Variants in SLC5A5 observed in about 807,000 individuals in gnomAD.
SLC5A5 encodes the protein sodium/iodide cotransporter.
A neutral mutation model predicts 68.6 loss-of-function variants in SLC5A5; 56 were observed. The observed-to-expected ratio is 0.82, with a 90% confidence interval of 0.66 to 1.02. The LOEUF is 1.02. Among genes scored for constraint, SLC5A5 ranks in the 50% least tolerant of loss-of-function variants. The probability of loss-of-function intolerance (pLI) is 0.00; values close to 1 mark genes in which losing one functional copy is unlikely to be tolerated. For missense variants in SLC5A5, 807 were observed against 859.8 expected, an observed-to-expected ratio of 0.94 and a Z score of 0.77; for synonymous variants, 398 against 373.0, an observed-to-expected ratio of 1.07 and a Z score of -0.77.
At chr19:17,875,546 T>A (rs987757446) in intron 4 of SLC5A5, among the ~76,000 whole-genome samples, 1 of 151,812 alleles carries the variant, frequency 6.6e-6, no homozygotes, top group Non-Finnish European at 1.5e-5. Context: ...GAGGATCACT[T>A]GAGGCCAGGG....
rs953479062 is a variant in SLC5A5 at position 17,872,297 on chromosome 19, G to C, written c.-23G>C. On this transcript the variant is annotated 5_prime_UTR_variant, in exon 1 of 15. Transcript: ENST00000222248. ...GAGCACGCAGGGCGTCCGAGGACGC[G>C]CTGGGCCTCCGCACCCGCCCTCATG... 12 of 1,369,934 alleles carry C rather than the reference G, an allele frequency of 8.8e-6. No individual in the cohort carries two copies. In the African/African-American group the frequency reaches 1.8e-4, roughly 20 times the overall value. 84.9% of individuals were successfully genotyped at this position (1,369,934 alleles called of 1,614,324 possible).
At chr19:17,881,428 G>A (rs113213772) in intron 8 of SLC5A5, among the ~76,000 whole-genome samples, 22,874 of 151,918 alleles carry the variant, frequency 0.15, 2,107 homozygotes, top group Non-Finnish European at 0.2. Context: ...CACCACAGCC[G>A]GCTAATTTTT....
At chr19:17,880,815 C>G (rs372499102) in intron 7 of SLC5A5, 50 bp from the exon 8 acceptor site, 1 of 1,391,360 alleles carries the variant, frequency 7.2e-7, no homozygotes, top group Non-Finnish European at 1.0e-6. Context: ...ATAGATGCCC[C>G]GGTCCTCGGG....
At chr19:17,887,469 A>G (rs939136681) in intron 12 of SLC5A5, among the ~76,000 whole-genome samples, 1 of 151,248 alleles carries the variant, frequency 6.6e-6, no homozygotes, top group African/African-American at 2.4e-5. Context: ...TAATTTTTAT[A>G]TTTTTAGTAG....
Position 17,894,752 on chromosome 19 carries a change from C to T in SLC5A5, c.*875C>T, listed in dbSNP as rs1169340904. The T allele has an allele frequency of 6.6e-6, 1 of 152,340 alleles. No homozygotes were observed. The highest frequency in any genetic ancestry group is 2.4e-5 in the African/African-American group (1 of 41,462). The allele number at this position is 152,340 out of a possible 1,614,324, so 9.4% of individuals were successfully genotyped here. A position where few individuals can be genotyped will look rare whatever the true frequency, so the allele number is the denominator to read the frequency against. On this transcript the variant is annotated 3_prime_UTR_variant, in exon 15 of 15. Coordinates refer to ENST00000222248, the MANE Select transcript of SLC5A5 (RefSeq NM_000453.3). The stretch of plus-strand genomic sequence containing the variant: ...ATCCTGAGCATGCTAGCGTCCCCTC[C>T]TCACCTGACAATGGAGGCTCTCGAA...
At chr19:17,889,735 G>C (rs1032077055) in intron 13 of SLC5A5, among the ~76,000 whole-genome samples, 1 of 151,638 alleles carries the variant, frequency 6.6e-6, no homozygotes, top group African/African-American at 2.4e-5. Flanking sequence ...GGCATTGCCT[G>C]CAACTCCTCT....
chr19:17,874,012 G>T, intron 1 of SLC5A5, 126 bp from the exon 2 acceptor site: 2 of 727,002 alleles, frequency 2.8e-6, no homozygotes, highest in Non-Finnish European at 5.1e-6. Context: ...GCCCCCACGT[G>T]CAAGAATCTG....
At chr19:17,882,261 G>GCCCCCACCTCTCA in intron 10 of SLC5A5, 42 bp downstream of exon 10, 3 of 1,509,318 alleles carry the variant, frequency 2.0e-6, no homozygotes, top group Non-Finnish European at 2.8e-6. Context: ...CCTGAGAGGT[G>GCCCCCACCTCTCA]GGGGCACCTT....
chr19:17,874,289 C>T lies in SLC5A5; in HGVS notation c.423+86C>T. The T allele has an allele frequency of 9.3e-6, 8 of 861,570 alleles. No individual in the cohort carries two copies. The South Asian group carries it at 1.1e-4, about 12-fold the overall frequency. 53.4% of individuals were successfully genotyped at this position (861,570 alleles called of 1,614,324 possible). ...CGGCCCCCACCATTCAAGACCCCGCCCAGACCCCGCCCCCCATGCTCCCGT... is the reference window on the plus strand; with the variant it reads ...CGGCCCCCACCATTCAAGACCCCGCTCAGACCCCGCCCCCCATGCTCCCGT... On this transcript the variant is annotated intron_variant, in intron 2 of 14. Coordinates refer to ENST00000222248, the MANE Select transcript of SLC5A5 (RefSeq NM_000453.3).
intron 14 of SLC5A5, among the ~76,000 whole-genome samples, chr19:17,892,697 A>AGAGAGAGAGAGAGC (rs1408251856): frequency 6.8e-6 from 1 of 146,804 alleles, no homozygotes; most frequent in Non-Finnish European, 1.5e-5. Context: ...AGAGAGAGAG[A>AGAGAGAGAGAGAGC]GCAAGCTAAA....
rs1314541051 is a variant in SLC5A5, at chr19:17,875,957, C to T, written c.549C>T (p.Gly183=). The T allele has an allele frequency of 6.2e-7, 1 of 1,613,996 alleles. No individual in the cohort carries two copies. The highest frequency in any genetic ancestry group is 8.5e-7 in the Non-Finnish European group (1 of 1,180,024). ...CTCTCTGTCCCATGCTGCAGGGCGG[C>T]ATGAAGGCTGTGGTCTGGACTGATG... The part of the protein sequence containing the change: ...IICTFYTAVG[G]MKAVVWTDVF... Residue 183 remains glycine, a synonymous_variant, in exon 5 of 15, where the codon GGC becomes GGT. Coordinates refer to ENST00000222248, the MANE Select transcript of SLC5A5 (RefSeq NM_000453.3).
intron 12 of SLC5A5, among the ~76,000 whole-genome samples, chr19:17,887,768 T>A (rs751261691): frequency 8.6e-5 from 13 of 151,626 alleles, no homozygotes; most frequent in Non-Finnish European, 1.6e-4. Context: ...TGGCTAATTT[T>A]TTATTATTTT....
intron 12 of SLC5A5, 121 bp from the exon 13 acceptor site, chr19:17,888,210 T>G: frequency 2.5e-6 from 3 of 1,196,694 alleles, no homozygotes; most frequent in Non-Finnish European, 3.7e-6. Context: ...CAGACAGTAA[T>G]GGAGGTCTGT....
chr19:17,875,587 A>ACCCCCCCCCC (rs59128676), intron 4 of SLC5A5, among the ~76,000 whole-genome samples: 3 of 145,010 alleles, frequency 2.1e-5, no homozygotes, highest in African/African-American at 2.6e-5. Flanking sequence ...ACATAGTGAG[A>ACCCCCCCCCC]CCCCCCCCCG....
At position 17,877,832 on chromosome 19, in the gene SLC5A5, G is replaced by A. The variant is rs368434203; in HGVS notation, c.808G>A (p.Val270Met). The change falls in exon 6 of 15, where the codon GTG becomes ATG. Residue 270 changes from valine (V) to methionine (M), a missense_variant. Val to Met is a conservative substitution (Grantham distance 21). Coordinates refer to ENST00000222248, the MANE Select transcript of SLC5A5 (RefSeq NM_000453.3). ...GAACCAGGCGCAGGTGCAGCGCTAC[G>A]TGGCTTGCCGCACAGAGAAGCAGGC... ...GVNQAQVQRYVACRTEKQAKL... is the reference protein window; with the variant it reads ...GVNQAQVQRYMACRTEKQAKL... 6.8e-6 allele frequency: 11 copies of A among 1,614,124 alleles called. No individual in the cohort carries two copies. Among genetic ancestry groups the A allele is most frequent in the African/African-American group, 5.3e-5 (4 of 74,940 alleles).
chr19:17,889,446 G>A (rs2030072379), intron 13 of SLC5A5, among the ~76,000 whole-genome samples: 1 of 150,612 alleles, frequency 6.6e-6, no homozygotes, highest in Non-Finnish European at 1.5e-5. Context: ...AGGAAGGAAA[G>A]AGAAAGAGAG....
chr19:17,876,415 A>G (rs915256070), intron 5 of SLC5A5, among the ~76,000 whole-genome samples: 2 of 141,798 alleles, frequency 1.4e-5, no homozygotes, highest in African/African-American at 5.6e-5. Context: ...TGACAGAGCT[A>G]GACCCTGTCT....
At chr19:17,884,172 G>C (rs2094328208) in intron 12 of SLC5A5, 126 bp downstream of exon 12, 7 of 902,026 alleles carry the variant, frequency 7.8e-6, no homozygotes, top group Non-Finnish European at 1.2e-5. Context: ...GGGAGGGAAC[G>C]GTAGGTGCAA....
chr19:17,879,904 A>G (rs1024102071), intron 7 of SLC5A5, among the ~76,000 whole-genome samples: 1 of 146,196 alleles, frequency 6.8e-6, no homozygotes, highest in Non-Finnish European at 1.5e-5. Context: ...TCTTTACACA[A>G]TTTTTTTTTT....
Sources: gnomAD v4.1 joint callset for allele counts (sites outside exome capture counted in the v4.1 genomes callset) on GRCh38, gnomAD v4.1.1 for gene constraint, MANE v1.5 for transcripts, NCBI Gene and HGNC (gene_info 2026-07-23, HGNC 2026-07-21) for gene names.